SSR1: variants seen among roughly 807,000 people sequenced by gnomAD.
SSR1 encodes the protein signal sequence receptor subunit 1, also known as translocon-associated protein subunit alpha.
A neutral mutation model predicts 36.1 loss-of-function variants in SSR1; 13 were observed. The observed-to-expected ratio is 0.36, with a 90% CI of 0.23 to 0.57. The LOEUF (loss-of-function observed/expected upper bound fraction) is 0.57, where lower values mean the gene tolerates loss of function less well. Ranked by LOEUF, SSR1 falls within the 20% of genes least tolerant of loss-of-function variation. The pLI is 0.81. For synonymous variants in SSR1, 113 were observed against 118.9 expected (o/e 0.95, Z 0.32); for missense variants, 291 against 338.5 (o/e 0.86, Z 1.10).
intron 7 of SSR1, among the ~76,000 whole-genome samples, chr6:7,290,317 A>G (rs1757654124): frequency 6.6e-6 from 1 of 152,264 alleles, no homozygotes. Flanking sequence ...ATAATTTTTC[A>G]ATTTCATAAA....
chr6:7,291,329 C>T (rs967782355), intron 7 of SSR1, among the ~76,000 whole-genome samples: 11 of 150,322 alleles, frequency 7.3e-5, no homozygotes, highest in Admixed American at 6.0e-4. Flanking sequence ...ACCGAGGGGC[C>T]GGAGGTTGCA....
intron 7 of SSR1, among the ~76,000 whole-genome samples, chr6:7,294,550 G>A (rs970636993): frequency 6.6e-6 from 1 of 152,142 alleles, no homozygotes; most frequent in African/African-American, 2.4e-5. Flanking sequence ...AATTAGCCGG[G>A]CGTGGTGGCA....
chr6:7,312,681 G>A (rs1202499603), intron 1 of SSR1, among the ~76,000 whole-genome samples: 2 of 152,222 alleles, frequency 1.3e-5, no homozygotes, highest in Non-Finnish European at 2.9e-5. Context: ...CGGCTGCGGC[G>A]CGCTCGGAGC....
Position 7,313,050 on chromosome 6 carries a change from C to T in SSR1, c.71G>A (p.Gly24Asp). Reference sequence around the variant, plus strand: ...CACTCCCCCAGCCTCACCTCTGGGGCCGCCTCGGAACAAGACAGTGGCAGG... The same window carrying T: ...CACTCCCCCAGCCTCACCTCTGGGGTCGCCTCGGAACAAGACAGTGGCAGG... ...VFPATVLFRG[G>D]PRGLLAVAQD... The change falls in exon 1 of 8, where the codon GGC becomes GAC. Residue 24 changes from glycine (G) to aspartate (D), a missense_variant. By Grantham distance (94) the Gly-to-Asp change is moderately conservative (BLOSUM62 -1). Transcript: ENST00000244763. 1.2e-6 allele frequency: 2 copies of T among 1,604,974 alleles called. No individual in the cohort carries two copies. The highest frequency in any genetic ancestry group is 2.3e-5 in the East Asian group (1 of 44,278).
At position 7,307,134 on chromosome 6, in the gene SSR1, T is replaced by C. The variant is rs78571756; in HGVS notation, c.192+2783A>G. Among the ~76,000 whole-genome samples, 1,201 of 152,140 alleles carry C rather than the reference T, an allele frequency of 7.9e-3. 19 individuals are homozygous for C. Among genetic ancestry groups the C allele is most frequent in the African/African-American group, 0.027 (1,110 of 41,490 alleles). Reference sequence around the variant, plus strand: ...CCCTTGATGCCTTGGCAGCTGAGTATAGGGTGATAAATCTTGGGAACAGCA... The same window carrying C: ...CCCTTGATGCCTTGGCAGCTGAGTACAGGGTGATAAATCTTGGGAACAGCA... On this transcript the variant is annotated intron_variant, in intron 2 of 7. Transcript: ENST00000244763.
At chr6:7,307,793 T>C (rs911766861) in intron 2 of SSR1, among the ~76,000 whole-genome samples, 3 of 152,234 alleles carry the variant, frequency 2.0e-5, no homozygotes, top group African/African-American at 7.2e-5. Flanking sequence ...CCCAAAGTGC[T>C]GGGATTACAG....
chr6:7,291,910 A>C (rs957359223), intron 7 of SSR1, among the ~76,000 whole-genome samples: 1 of 151,748 alleles, frequency 6.6e-6, no homozygotes, highest in Non-Finnish European at 1.5e-5. Context: ...CCTCCCTACA[A>C]CAAATATAAA....
intron 1 of SSR1, among the ~76,000 whole-genome samples, chr6:7,310,870 C>T (rs1758177863): frequency 6.6e-6 from 1 of 152,124 alleles, no homozygotes. Context: ...AAGATTGTAC[C>T]ACTGCACTCC....
rs1378952421 is a variant in SSR1 at position 7,282,840 on chromosome 6, A to C, written c.*7024T>G. 1.3e-5 allele frequency: 2 copies of C among 152,240 alleles called. No homozygotes were observed. Among genetic ancestry groups the C allele is most frequent in the Non-Finnish European group, 2.9e-5 (2 of 68,050 alleles). 9.4% of individuals were successfully genotyped at this position (152,240 alleles called of 1,614,324 possible). ...CATAATCATTATGTTTTAGCCAGAAAAAGGCAACTTGATTATGAACTGGAT... is the reference window on the plus strand; with the variant it reads ...CATAATCATTATGTTTTAGCCAGAACAAGGCAACTTGATTATGAACTGGAT... On this transcript the variant is annotated 3_prime_UTR_variant, in exon 8 of 8. Coordinates refer to ENST00000244763, the MANE Select transcript of SSR1 (RefSeq NM_003144.5).
At chr6:7,297,104 C>A (rs78133646) in intron 6 of SSR1, 3 of 336,330 alleles carry the variant, frequency 8.9e-6, no homozygotes, top group Non-Finnish European at 1.2e-5. Flanking sequence ...ACCTGTAGTT[C>A]GACTACTCAG....
chr6:7,292,703 C>T (rs1179581989), intron 7 of SSR1, among the ~76,000 whole-genome samples: 1 of 150,060 alleles, frequency 6.7e-6, no homozygotes, highest in African/African-American at 2.4e-5. Context: ...ATTTTTAAAA[C>T]ACAATTGTAA....
rs878872894 is a variant in SSR1 at position 7,287,629 on chromosome 6, C to T, written c.*2235G>A. The T allele has an allele frequency of 6.6e-6, 1 of 152,386 alleles. No individual in the cohort carries two copies. Among genetic ancestry groups the T allele is most frequent in the African/African-American group, 2.4e-5 (1 of 41,430 alleles). 9.4% of individuals were successfully genotyped at this position (152,386 alleles called of 1,614,324 possible). ...CACATCCGGGGATAGGTTTGATACA[C>T]AAGATCCTTAAAGTCATTTTACATA... On this transcript the variant is annotated 3_prime_UTR_variant, in exon 8 of 8. Coordinates refer to ENST00000244763, the MANE Select transcript of SSR1 (RefSeq NM_003144.5).
At chr6:7,309,562 G>A (rs1758141953) in intron 2 of SSR1, among the ~76,000 whole-genome samples, 1 of 152,242 alleles carries the variant, frequency 6.6e-6, no homozygotes, top group South Asian at 2.1e-4. Flanking sequence ...CCCATAATCT[G>A]CACATCGTGG....
intron 2 of SSR1, 173 bp downstream of exon 2, chr6:7,309,744 C>T: frequency 1.6e-6 from 1 of 614,598 alleles, no homozygotes; most frequent in South Asian, 1.9e-5. Flanking sequence ...GCTTCAATTT[C>T]TGCCATGATG....
intron 7 of SSR1, chr6:7,294,937 ATTC>A: frequency 1.7e-6 from 1 of 580,862 alleles, no homozygotes. Flanking sequence ...TTTTAGGTTT[ATTC>A]TTTCAAGTTA....
intron 2 of SSR1, 164 bp downstream of exon 2, chr6:7,309,753 T>C (rs1287434723): frequency 4.8e-6 from 3 of 631,234 alleles, no homozygotes; most frequent in Non-Finnish European, 8.4e-6. Context: ...TCTGCCATGA[T>C]GGTAAGTTTC....
intron 2 of SSR1, among the ~76,000 whole-genome samples, chr6:7,306,776 T>A (rs1474694187): frequency 6.6e-6 from 1 of 150,912 alleles, no homozygotes; most frequent in Non-Finnish European, 1.5e-5. Context: ...ATTAGCCGGG[T>A]GTGGTGGCGG....
At chr6:7,296,388 T>C (rs1172317875) in intron 6 of SSR1, among the ~76,000 whole-genome samples, 1 of 152,148 alleles carries the variant, frequency 6.6e-6, no homozygotes, top group Non-Finnish European at 1.5e-5. Context: ...ATTCCAACCA[T>C]TATGACAATG....
chr6:7,307,509 C>T (rs1376491438), intron 2 of SSR1, among the ~76,000 whole-genome samples: 2 of 152,072 alleles, frequency 1.3e-5, no homozygotes, highest in Non-Finnish European at 2.9e-5. Context: ...AAGGATCTAA[C>T]AGTTCCCTTC....
Sources: allele counts gnomAD v4.1 joint callset (sites outside exome capture counted in the v4.1 genomes callset), GRCh38; gene constraint gnomAD v4.1.1; transcripts MANE v1.5; gene names NCBI Gene and HGNC (gene_info 2026-07-23, HGNC 2026-07-21).